Variants in ASTN2 observed in about 807,000 individuals in gnomAD.
ASTN2 encodes the protein astrotactin-2.
A neutral mutation model predicts 139.8 loss-of-function variants in ASTN2; 54 were observed. The ratio of observed to expected loss-of-function variants is 0.39; its 90% CI spans 0.31 to 0.48. The LOEUF is 0.48. Ranked by LOEUF, ASTN2 falls within the 20% of genes least tolerant of loss-of-function variation. ASTN2 has a pLI of 0.95. For synonymous variants in ASTN2, 756 were observed against 719.5 expected (o/e 1.05, Z -0.81); for missense variants, 1,565 against 1,725.1 (o/e 0.91, Z 1.64).
chr9:117,214,617 G>C lies in ASTN2; in HGVS notation c.756C>G (p.Ile252Met). ...KSASTEATHE[I>M]HYIPSVLLGP... Reference sequence around the variant, plus strand: ...CCAGCAGCACAGATGGGATGTAGTGGATCTCATGAGTGGCTTCTGTGCTTG... The same window carrying C: ...CCAGCAGCACAGATGGGATGTAGTGCATCTCATGAGTGGCTTCTGTGCTTG... The change falls in exon 3 of 23, where the codon ATC (isoleucine) becomes ATG (methionine). Residue 252 changes from isoleucine (I) to methionine (M), a missense_variant. Around this residue, in one of 4 missense-constraint regions of ASTN2, gnomAD observed 596 missense variants for 576.8 expected, o/e 1.03. Transcript: ENST00000313400. 1 of 1,591,944 alleles carries C rather than the reference G, an allele frequency of 6.3e-7. No individual in the cohort carries two copies.
chr9:117,396,584 G>A lies in ASTN2; in HGVS notation c.442+17913C>T, dbSNP rs148862391. Among the ~76,000 whole-genome samples, 70 of 152,204 alleles carry A rather than the reference G, an allele frequency of 4.6e-4. 1 individual carries two copies. The East Asian group carries it at 0.013, about 29-fold the overall frequency. ...AGATGTTTTGTGTTGTTGTTGTTATGAGACAGAGTCTCACTCTGTCTCCCA... is the reference window on the plus strand; with the variant it reads ...AGATGTTTTGTGTTGTTGTTGTTATAAGACAGAGTCTCACTCTGTCTCCCA... On this transcript the variant is annotated intron_variant, in intron 1 of 22. Transcript: ENST00000313400.
intron 2 of ASTN2, among the ~76,000 whole-genome samples, chr9:117,270,233 G>A (rs146969606): frequency 7.4e-4 from 112 of 152,252 alleles, no homozygotes; most frequent in Middle Eastern, 3.4e-3. Flanking sequence ...ATGTTTAAAT[G>A]TACAACACAT....
At chr9:116,745,069 T>C (rs1182326330) in intron 13 of ASTN2, among the ~76,000 whole-genome samples, 1 of 152,204 alleles carries the variant, frequency 6.6e-6, no homozygotes, top group Non-Finnish European at 1.5e-5. Context: ...GCCTATCCAG[T>C]GGCCCATACC....
At chr9:117,055,997 A>G (rs1839052182) in intron 5 of ASTN2, among the ~76,000 whole-genome samples, 2 of 152,148 alleles carry the variant, frequency 1.3e-5, no homozygotes. Context: ...GAGTGGCCCT[A>G]TGGCCCACAT....
chr9:116,763,081 C>A (rs1246974453), intron 13 of ASTN2, among the ~76,000 whole-genome samples: 11 of 152,168 alleles, frequency 7.2e-5, no homozygotes, highest in Admixed American at 6.5e-4. Context: ...TCATAAGAGG[C>A]AAATTTTCCT....
At chr9:117,034,063 A>G (rs928134220) in intron 6 of ASTN2, among the ~76,000 whole-genome samples, 2 of 152,130 alleles carry the variant, frequency 1.3e-5, no homozygotes, top group African/African-American at 4.8e-5. Context: ...TCACTTGAAT[A>G]ACTTCCAATG....
At chr9:116,770,050 T>C (rs1218712662) in intron 13 of ASTN2, among the ~76,000 whole-genome samples, 1 of 143,660 alleles carries the variant, frequency 7.0e-6, no homozygotes, top group Non-Finnish European at 1.5e-5. Flanking sequence ...AAATAGTGAA[T>C]GACATAAGAA....
At chr9:116,523,412 A>C (rs1327341146) in intron 19 of ASTN2, among the ~76,000 whole-genome samples, 1 of 152,104 alleles carries the variant, frequency 6.6e-6, no homozygotes, top group African/African-American at 2.4e-5. Flanking sequence ...TCCTGAGTAA[A>C]CCAGGAGCAT....
chr9:116,580,385 G>C (rs1002226436), intron 19 of ASTN2, among the ~76,000 whole-genome samples: 6 of 152,168 alleles, frequency 3.9e-5, no homozygotes, highest in Non-Finnish European at 8.8e-5. Flanking sequence ...TTGCTGACAA[G>C]ATTCATCCCA....
At chr9:116,785,266 C>G (rs1305905877) in intron 13 of ASTN2, among the ~76,000 whole-genome samples, 1 of 152,140 alleles carries the variant, frequency 6.6e-6, no homozygotes, top group Non-Finnish European at 1.5e-5. Context: ...ACTCAGGGCT[C>G]AGGCTCCTCT....
At chr9:117,036,052 G>A (rs940401995) in intron 6 of ASTN2, among the ~76,000 whole-genome samples, 1 of 152,076 alleles carries the variant, frequency 6.6e-6, no homozygotes, top group African/African-American at 2.4e-5. Context: ...ACTCTACTAG[G>A]CACTTTATAC....
At chr9:116,853,202 G>GT (rs1007769393) in intron 11 of ASTN2, among the ~76,000 whole-genome samples, 10 of 152,032 alleles carry the variant, frequency 6.6e-5, no homozygotes, top group East Asian at 5.8e-4. Context: ...GGGGCCTTGA[G>GT]TTTTTTTCTT....
At chr9:116,604,845 G>A (rs1220858501) in intron 19 of ASTN2, among the ~76,000 whole-genome samples, 1 of 152,160 alleles carries the variant, frequency 6.6e-6, no homozygotes, top group Non-Finnish European at 1.5e-5. Context: ...TGTCTTTTCA[G>A]TTGTAGATTA....
chr9:116,651,830 C>CT (rs751627837), intron 16 of ASTN2, 37 bp from the exon 17 acceptor site: 2 of 1,599,086 alleles, frequency 1.3e-6, no homozygotes, highest in Non-Finnish European at 1.7e-6. Flanking sequence ...GAAAGGTAAA[C>CT]TCAGGATTAT....
At chr9:117,252,827 CT>C in intron 2 of ASTN2, among the ~76,000 whole-genome samples, 1 of 152,278 alleles carries the variant, frequency 6.6e-6, no homozygotes, top group East Asian at 1.9e-4. Context: ...AGCCTCTTAC[CT>C]TTGCAGAAAT....
intron 19 of ASTN2, among the ~76,000 whole-genome samples, chr9:116,607,734 G>C (rs1855287453): frequency 6.7e-6 from 1 of 148,406 alleles, no homozygotes; most frequent in Non-Finnish European, 1.5e-5. Flanking sequence ...CGCTGAAGCA[G>C]GCGGGTCACG....
intron 10 of ASTN2, among the ~76,000 whole-genome samples, chr9:116,925,987 C>T (rs890314103): frequency 3.3e-5 from 5 of 152,096 alleles, no homozygotes; most frequent in African/African-American, 1.2e-4. Context: ...AACACTGTAG[C>T]CTGAACATAT....
intron 10 of ASTN2, among the ~76,000 whole-genome samples, chr9:116,907,826 C>G (rs570396844): frequency 6.6e-6 from 1 of 152,062 alleles, no homozygotes; most frequent in African/African-American, 2.4e-5. Flanking sequence ...TGCTGCAGGA[C>G]GTGGGTCCGA....
chr9:116,838,386 C>G (rs941377396), intron 11 of ASTN2, among the ~76,000 whole-genome samples: 1 of 149,088 alleles, frequency 6.7e-6, no homozygotes, highest in Non-Finnish European at 1.5e-5. Context: ...ACTGGGATTA[C>G]AGCTGTGAGG....
Sources: gnomAD v4.1 joint callset for allele counts (sites outside exome capture counted in the v4.1 genomes callset) on GRCh38, gnomAD v4.1.1 for gene constraint, gnomAD v4.1.1 regional missense constraint, MANE v1.5 for transcripts, NCBI Gene and HGNC (gene_info 2026-07-23, HGNC 2026-07-21) for gene names.